ACTN2: variants seen among roughly 807,000 people sequenced by gnomAD.
The protein encoded by ACTN2 is actinin alpha 2.
A neutral mutation model predicts 113.8 loss-of-function variants in ACTN2; 39 were observed. The observed-to-expected ratio is 0.34, with a 90% CI of 0.27 to 0.45. ACTN2 has a LOEUF of 0.45. Ranked by LOEUF, ACTN2 falls within the 20% of genes least tolerant of loss-of-function variation. ACTN2 has a pLI of 1.00. For missense variants in ACTN2, 992 were observed against 1,177.9 expected (o/e 0.84, Z 2.31); for synonymous variants, 429 against 444.1 (o/e 0.97, Z 0.43).
At chr1:236,749,073 G>A in intron 13 of ACTN2, 51 bp from the exon 14 acceptor site, 1 of 1,603,946 alleles carries the variant, frequency 6.2e-7, no homozygotes, top group Non-Finnish European at 8.5e-7. Context: ...TACACTTTCA[G>A]TGAATTTTTT....
At chr1:236,718,612 T>C (rs754349554) in intron 2 of ACTN2, among the ~76,000 whole-genome samples, 4 of 152,208 alleles carry the variant, frequency 2.6e-5, no homozygotes, top group Admixed American at 6.5e-5. Flanking sequence ...CTTCTCTTTT[T>C]ACTCATTTGT....
At chr1:236,732,370 C>A (rs1234643731) in intron 7 of ACTN2, among the ~76,000 whole-genome samples, 2 of 152,142 alleles carry the variant, frequency 1.3e-5, no homozygotes, top group Admixed American at 6.5e-5. Flanking sequence ...AGTCCAATCT[C>A]TCCCTCTGTC....
At position 236,720,201 on chromosome 1, in the gene ACTN2, A is replaced by G. The variant is rs1049709456; in HGVS notation, c.448+10A>G. 1 of 1,599,574 alleles carries G rather than the reference A, an allele frequency of 6.3e-7. No homozygotes were observed. Among genetic ancestry groups the G allele is most frequent in the Non-Finnish European group, 8.6e-7 (1 of 1,166,686 alleles). ...GATATTTCGGTTGAAGGTAAAAGAC[A>G]TGGTTAAAAGTCTAATTGTATAATC... On this transcript the variant is annotated intron_variant, in intron 4 of 20. Transcript: ENST00000366578.
At chr1:236,729,937 T>G (rs979738145) in intron 6 of ACTN2, among the ~76,000 whole-genome samples, 4 of 152,226 alleles carry the variant, frequency 2.6e-5, no homozygotes, top group South Asian at 2.1e-4. Flanking sequence ...CAATAGCAAG[T>G]AATACTTATA....
chr1:236,710,709 C>A (rs1234554933), intron 1 of ACTN2, among the ~76,000 whole-genome samples: 2 of 152,128 alleles, frequency 1.3e-5, no homozygotes, highest in Non-Finnish European at 2.9e-5. Flanking sequence ...AAGCTGCTCC[C>A]CATTGCCCGA....
chr1:236,744,636 G>C lies in ACTN2; in HGVS notation c.1266G>C (p.Gln422His), dbSNP rs775950605. ...THETWAYGKE[Q>H]ILLQKDYESA... ...CTACCACCTTTGCAGGCAAAGAGCA[G>C]ATCTTGCTGCAGAAGGATTACGAGT... Residue 422 changes from glutamine (Q) to histidine (H), a missense_variant, in exon 12 of 21, where the codon CAG becomes CAC. By Grantham distance (24) the Gln-to-His change is conservative. Around this residue, in one of 3 missense-constraint regions of ACTN2, gnomAD observed 736 missense variants for 815.4 expected, o/e 0.90. Transcript: ENST00000366578. 4 of 1,614,214 alleles carry C rather than the reference G, an allele frequency of 2.5e-6. No individual in the cohort carries two copies. The highest frequency in any genetic ancestry group is 1.7e-5 in the Admixed American group (1 of 60,018).
chr1:236,741,472 C>G (rs932583430), intron 10 of ACTN2, among the ~76,000 whole-genome samples: 5 of 152,156 alleles, frequency 3.3e-5, no homozygotes, highest in African/African-American at 1.2e-4. Context: ...TGAACATATC[C>G]AAAAGAGTTC....
chr1:236,694,210 T>C (rs1168712048), intron 1 of ACTN2, among the ~76,000 whole-genome samples: 4 of 151,868 alleles, frequency 2.6e-5, no homozygotes, highest in Non-Finnish European at 5.9e-5. Flanking sequence ...GACATTTTTT[T>C]TTTTCTTTTC....
chr1:236,740,394 G>A (rs564476834), intron 10 of ACTN2, among the ~76,000 whole-genome samples: 133 of 151,328 alleles, frequency 8.8e-4, no homozygotes, highest in African/African-American at 3.0e-3. Context: ...GATGACAGGC[G>A]TGAGCCACCA....
chr1:236,726,920 T>G (rs1175901200), intron 5 of ACTN2, among the ~76,000 whole-genome samples: 1 of 152,168 alleles, frequency 6.6e-6, no homozygotes, highest in Non-Finnish European at 1.5e-5. Context: ...TTGCTTTTCT[T>G]TTTCTGGCTC....
chr1:236,761,297 T>C, intron 20 of ACTN2, 124 bp downstream of exon 20: 2 of 1,171,676 alleles, frequency 1.7e-6, no homozygotes, highest in Non-Finnish European at 2.5e-6. Flanking sequence ...ACATTGGCAC[T>C]GATTTCAGAA....
At chr1:236,728,225 G>C (rs894723048) in intron 6 of ACTN2, among the ~76,000 whole-genome samples, 15 of 149,760 alleles carry the variant, frequency 1.0e-4, no homozygotes, top group African/African-American at 3.7e-4. Flanking sequence ...CTCACAGCAG[G>C]CTCCGCCTCC....
At chr1:236,711,305 TTGTCTTAACTTC>T (rs1658018186) in intron 1 of ACTN2, among the ~76,000 whole-genome samples, 1 of 152,256 alleles carries the variant, frequency 6.6e-6, no homozygotes, top group African/African-American at 2.4e-5. Context: ...TTCCTTAGCT[TTGTCTTAACTTC>T]TGTGGTGGGT....
intron 4 of ACTN2, among the ~76,000 whole-genome samples, chr1:236,720,603 C>A (rs1182671240): frequency 6.6e-6 from 1 of 152,144 alleles, no homozygotes; most frequent in African/African-American, 2.4e-5. Context: ...CTATCTCTCT[C>A]CCTCTCTTTT....
At chr1:236,695,563 T>TCGCCC (rs1657467279) in intron 1 of ACTN2, among the ~76,000 whole-genome samples, 1 of 100,796 alleles carries the variant, frequency 9.9e-6, no homozygotes, top group Non-Finnish European at 1.9e-5. Flanking sequence ...TGAAATGAGT[T>TCGCCC]CCCCCCCCCT....
chr1:236,733,221 A>C (rs1658762637), intron 7 of ACTN2, among the ~76,000 whole-genome samples: 1 of 152,208 alleles, frequency 6.6e-6, no homozygotes. Flanking sequence ...TAGCCAGGGT[A>C]CTAAAGAGAG....
chr1:236,756,245 CTGTTAGAA>C (rs1659555010), intron 17 of ACTN2, among the ~76,000 whole-genome samples: 1 of 25,778 alleles, frequency 3.9e-5, no homozygotes, highest in Admixed American at 3.7e-4. Flanking sequence ...CCCGCTGCCA[CTGTTAGAA>C]CCCTGGTAAT....
intron 1 of ACTN2, among the ~76,000 whole-genome samples, chr1:236,712,806 AACAG>A (rs1477473549): frequency 4.6e-5 from 7 of 152,306 alleles, no homozygotes; most frequent in African/African-American, 1.4e-4. Context: ...AGATTTAAAT[AACAG>A]ACAAAGTATG....
At chr1:236,687,023 G>A (rs1665897680) in intron 1 of ACTN2, among the ~76,000 whole-genome samples, 1 of 151,630 alleles carries the variant, frequency 6.6e-6, no homozygotes, top group South Asian at 2.1e-4. Context: ...TAGCAGCATC[G>A]GAGGTACAGA....
Sources: allele counts gnomAD v4.1 joint callset (sites outside exome capture counted in the v4.1 genomes callset), GRCh38; gene constraint gnomAD v4.1.1; regional missense constraint gnomAD v4.1.1; transcripts MANE v1.5; gene names NCBI Gene and HGNC (gene_info 2026-07-23, HGNC 2026-07-21).